CEMIP: variants seen among roughly 807,000 people sequenced by gnomAD.
CEMIP encodes the protein cell migration inducing hyaluronidase 1, also known as cell migration-inducing and hyaluronan-binding protein.
Under a neutral mutation model 156.9 loss-of-function variants are expected in CEMIP, and 105 were observed. That is an observed-to-expected ratio of 0.67 (90% CI 0.57 to 0.79). The LOEUF is 0.79. Among genes scored for constraint, CEMIP ranks in the 30% least tolerant of loss-of-function variants. The pLI is 0.00. For synonymous variants in CEMIP, 676 were observed against 668.4 expected (o/e 1.01, Z -0.17); for missense variants, 1,457 against 1,769.4 (o/e 0.82, Z 3.17).
chr15:80,789,637 T>G (rs1292154842), intron 1 of CEMIP, among the ~76,000 whole-genome samples: 2 of 152,176 alleles, frequency 1.3e-5, no homozygotes, highest in Non-Finnish European at 2.9e-5. Context: ...TTGAAGAGGC[T>G]TGGAGATTCC....
intron 1 of CEMIP, among the ~76,000 whole-genome samples, chr15:80,798,866 C>G (rs943303719): frequency 6.6e-6 from 1 of 152,124 alleles, no homozygotes; most frequent in Admixed American, 6.5e-5. Flanking sequence ...CTAGAGTCTT[C>G]TAGAGGTTCC....
chr15:80,837,071 A>G (rs1209897524), intron 1 of CEMIP, among the ~76,000 whole-genome samples: 1 of 152,286 alleles, frequency 6.6e-6, no homozygotes, highest in African/African-American at 2.4e-5. Context: ...TCTATCTGCA[A>G]TCATCTGCTG....
intron 1 of CEMIP, among the ~76,000 whole-genome samples, chr15:80,816,387 C>T (rs765048623): frequency 6.6e-6 from 1 of 152,144 alleles, no homozygotes; most frequent in African/African-American, 2.4e-5. Flanking sequence ...GATGTTTCCT[C>T]GGACCTCTGT....
chr15:80,897,714 G>A (rs536752333), intron 12 of CEMIP, among the ~76,000 whole-genome samples: 2 of 152,288 alleles, frequency 1.3e-5, no homozygotes, highest in South Asian at 2.1e-4. Context: ...ACAAGTCCAA[G>A]TAAATCTGGC....
rs148524452 is a variant in CEMIP, at chr15:80,946,998, C to T, written c.3891C>T (p.Tyr1297=). ...SIVLMASKGR[Y]VSRGPWTRVL... ...TGCTTATGGCATCAAAGGGAAGATACGTCTCCAGAGGCCCATGGACCAGAG... is the reference window on the plus strand; with the variant it reads ...TGCTTATGGCATCAAAGGGAAGATATGTCTCCAGAGGCCCATGGACCAGAG... Residue 1297 remains tyrosine, a synonymous_variant, in exon 29 of 30, where the codon TAC becomes TAT. Transcript: ENST00000394685. 3.0e-5 allele frequency: 48 copies of T among 1,613,520 alleles called. No homozygotes were observed. Among genetic ancestry groups the T allele is most frequent in the South Asian group, 1.5e-4 (14 of 91,066 alleles).
intron 1 of CEMIP, among the ~76,000 whole-genome samples, chr15:80,814,301 G>A (rs1249046318): frequency 2.0e-5 from 3 of 151,962 alleles, no homozygotes; most frequent in East Asian, 1.9e-4. Flanking sequence ...CACCCGCCTT[G>A]GCCTCCCAAA....
chr15:80,853,555 T>C (rs897190824), intron 1 of CEMIP, among the ~76,000 whole-genome samples: 1 of 152,184 alleles, frequency 6.6e-6, no homozygotes, highest in African/African-American at 2.4e-5. Flanking sequence ...TACAATATGG[T>C]GGTCTTTGAA....
At chr15:80,812,043 A>G (rs1036681879) in intron 1 of CEMIP, among the ~76,000 whole-genome samples, 4 of 152,100 alleles carry the variant, frequency 2.6e-5, no homozygotes, top group African/African-American at 9.7e-5. Flanking sequence ...TATGTTGCCC[A>G]GGCTGGAGGG....
intron 19 of CEMIP, 60 bp from the exon 20 acceptor site, chr15:80,928,842 C>A: frequency 6.2e-7 from 1 of 1,604,720 alleles, no homozygotes; most frequent in Non-Finnish European, 8.5e-7. Flanking sequence ...CTTCTCTCCA[C>A]GACTCCACTG....
Position 80,863,359 on chromosome 15 carries a change from T to G in CEMIP, c.-175-10179T>G, listed in dbSNP as rs989139115. On this transcript the variant is annotated intron_variant, in intron 1 of 29. Coordinates refer to ENST00000394685, the MANE Select transcript of CEMIP (RefSeq NM_001293298.2). ...TGGCAAACACATTCAGTCAGTCCAA[T>G]GTTGACTGGGCAGCCTTGGTGTGCC... is the stretch of plus-strand genomic sequence containing the variant. Among the ~76,000 whole-genome samples the G allele has an allele frequency of 2.0e-5, 3 of 152,152 alleles. No individual in the cohort carries two copies. In the East Asian group the frequency reaches 5.8e-4, roughly 29 times the overall value.
intron 12 of CEMIP, among the ~76,000 whole-genome samples, chr15:80,900,598 G>GTGTGTGTGTGTT: frequency 8.1e-6 from 1 of 123,254 alleles, no homozygotes; most frequent in Non-Finnish European, 1.8e-5. Context: ...GTGTGTGTGT[G>GTGTGTGTGTGTT]TGTGTGTGTG....
chr15:80,798,854 T>G (rs1051361778), intron 1 of CEMIP, among the ~76,000 whole-genome samples: 1 of 152,248 alleles, frequency 6.6e-6, no homozygotes, highest in African/African-American at 2.4e-5. Context: ...TAATGTACAA[T>G]TCTAGAGTCT....
chr15:80,929,239 G>A, intron 21 of CEMIP, 65 bp downstream of exon 21: 1 of 1,593,394 alleles, frequency 6.3e-7, no homozygotes, highest in Non-Finnish European at 8.6e-7. Flanking sequence ...TGATGGAAGG[G>A]AAAAAGTTAA....
At chr15:80,811,898 C>G (rs1236731371) in intron 1 of CEMIP, among the ~76,000 whole-genome samples, 1 of 152,224 alleles carries the variant, frequency 6.6e-6, no homozygotes, top group African/African-American at 2.4e-5. Flanking sequence ...ACCTGGCTTT[C>G]TCTGGCATAA....
chr15:80,811,168 T>C (rs1357151763), intron 1 of CEMIP, among the ~76,000 whole-genome samples: 2 of 152,172 alleles, frequency 1.3e-5, no homozygotes, highest in Non-Finnish European at 2.9e-5. Context: ...ATTCCTATAA[T>C]AGAAGAATGT....
At chr15:80,837,322 G>A (rs1372642127) in intron 1 of CEMIP, among the ~76,000 whole-genome samples, 1 of 152,174 alleles carries the variant, frequency 6.6e-6, no homozygotes, top group Admixed American at 6.5e-5. Context: ...AGATGGGAGG[G>A]GTGTAAATGA....
intron 1 of CEMIP, among the ~76,000 whole-genome samples, chr15:80,824,504 C>A (rs1402555427): frequency 1.3e-5 from 2 of 152,166 alleles, no homozygotes; most frequent in South Asian, 2.1e-4. Flanking sequence ...AGGACAGTCT[C>A]CAGCATCCTC....
intron 1 of CEMIP, among the ~76,000 whole-genome samples, chr15:80,860,605 G>A (rs1897961752): frequency 6.6e-6 from 1 of 152,166 alleles, no homozygotes; most frequent in East Asian, 1.9e-4. Context: ...CACCTACCAG[G>A]CAATCAATGC....
chr15:80,941,814 C>A (rs369272118), intron 25 of CEMIP, 35 bp from the exon 26 acceptor site: 12 of 1,598,604 alleles, frequency 7.5e-6, no homozygotes, highest in Non-Finnish European at 1.0e-5. Flanking sequence ...GTTTGAGTGT[C>A]CAAGCAAATG....
Sources: allele counts gnomAD v4.1 joint callset (sites outside exome capture counted in the v4.1 genomes callset), GRCh38; gene constraint gnomAD v4.1.1; transcripts MANE v1.5; gene names NCBI Gene and HGNC (gene_info 2026-07-23, HGNC 2026-07-21).